Variants in CLP1 observed in about 807,000 individuals in gnomAD.
CLP1 encodes the protein polyribonucleotide 5'-hydroxyl-kinase Clp1.
CLP1 carries 18 observed loss-of-function variants against 29.9 expected under a neutral mutation model. The observed-to-expected ratio is 0.60, with a 90% CI of 0.42 to 0.89. CLP1 has a LOEUF of 0.89. Ranked by LOEUF, CLP1 falls within the 40% of genes least tolerant of loss-of-function variation. The pLI is 0.00. For synonymous variants in CLP1, 162 were observed against 206.2 expected (o/e 0.79, Z 1.84); for missense variants, 357 against 544.8 (o/e 0.66, Z 3.43).
At chr11:57,658,608 A>G (rs1255818306) in intron 1 of CLP1, among the ~76,000 whole-genome samples, 4 of 151,920 alleles carry the variant, frequency 2.6e-5, no homozygotes, top group African/African-American at 9.7e-5. Context: ...TGTTTTTATT[A>G]TTTATTTATT....
chr11:57,659,409 A>G (rs758948407), intron 1 of CLP1, 46 bp from the exon 2 acceptor site: 12 of 1,577,076 alleles, frequency 7.6e-6, no homozygotes, highest in African/African-American at 1.4e-5. Flanking sequence ...TTTTTGTAAC[A>G]GAAGACTGAC....
chr11:57,661,228 C>T lies in CLP1; in HGVS notation c.1070C>T (p.Pro357Leu). 1 of 1,614,196 alleles carries T rather than the reference C, an allele frequency of 6.2e-7. No individual in the cohort carries two copies. Among genetic ancestry groups the T allele is most frequent in the Non-Finnish European group, 8.5e-7 (1 of 1,180,030 alleles). Residue 357 changes from proline to leucine, a missense_variant, in exon 3 of 3, where the codon CCT becomes CTT. By Grantham distance (98) the Pro-to-Leu change is moderately conservative. Coordinates refer to ENST00000533682, the MANE Select transcript of CLP1 (RefSeq NM_006831.3). ...CAGCTCAAGCTAGTACCTGTCACTC[C>T]TGGGCGAGATATGGTGCACCACCTA... ...DNQLKLVPVT[P>L]GRDMVHHLLS...
Position 57,661,381 on chromosome 11 carries a change from C to G in CLP1, c.1223C>G (p.Pro408Arg), listed in dbSNP as rs762530093. 1 of 1,614,000 alleles carries G rather than the reference C, an allele frequency of 6.2e-7. No individual in the cohort carries two copies. Among genetic ancestry groups the G allele is most frequent in the East Asian group, 2.2e-5 (1 of 44,882 alleles). Residue 408 changes from proline to arginine, a missense_variant, in exon 3 of 3, where the codon CCA becomes CGA. Transcript: ENST00000533682. ...VFTVLSPAPR[P>R]LPKNFLLIMD... is the part of the protein sequence containing the mutation. ...ACTGTTCTGTCTCCAGCCCCTCGCC[C>G]ACTGCCTAAGAACTTCCTTCTCATC...
chr11:57,657,974 GGAC>G (rs1304688861), intron 1 of CLP1, 114 bp downstream of exon 1: 1 of 152,210 alleles, frequency 6.6e-6, no homozygotes, highest in Non-Finnish European at 1.5e-5. Context: ...GGGAAGGTTG[GGAC>G]AAATGCTGGA....
rs887277596 is a variant in CLP1 at position 57,661,827 on chromosome 11, A to T, written c.*391A>T. 2.4e-5 allele frequency: 5 copies of T among 209,274 alleles called. No individual in the cohort carries two copies. The highest frequency in any genetic ancestry group is 1.8e-4 in the South Asian group (1 of 5,430). The allele number at this position is 209,274 out of a possible 1,614,324, so 13.0% of individuals were successfully genotyped here. ...ACTCCTTCCAATAAAGTTCAAACTTAAAAAAAATCATTTTAATAAATATTT... is the reference window on the plus strand; with the variant it reads ...ACTCCTTCCAATAAAGTTCAAACTTTAAAAAAATCATTTTAATAAATATTT... On this transcript the variant is annotated 3_prime_UTR_variant, in exon 3 of 3. Coordinates refer to ENST00000533682, the MANE Select transcript of CLP1 (RefSeq NM_006831.3).
intron 1 of CLP1, 120 bp from the exon 2 acceptor site, chr11:57,659,335 C>T (rs1163104516): frequency 3.4e-6 from 3 of 887,658 alleles, no homozygotes; most frequent in Non-Finnish European, 5.1e-6. Flanking sequence ...GTGATCCAGC[C>T]ACCTCGGCTT....
chr11:57,660,603 G>T (rs1047144566), intron 2 of CLP1, among the ~76,000 whole-genome samples, 162 bp from the exon 3 acceptor site: 1 of 152,148 alleles, frequency 6.6e-6, no homozygotes, highest in African/African-American at 2.4e-5. Context: ...GCAGTGAGCT[G>T]AGATCGTGCC....
At position 57,660,965 on chromosome 11, in the gene CLP1, C is replaced by T. The variant is rs140965892; in HGVS notation, c.807C>T (p.Asp269=). The change falls in exon 3 of 3, where the codon GAC becomes GAT. Residue 269 remains aspartate (D), a synonymous_variant. Coordinates refer to ENST00000533682, the MANE Select transcript of CLP1 (RefSeq NM_006831.3). ...QERLYNELKR[D]LPHFVRTVLL... is the part of the protein sequence containing the mutation. Reference sequence around the variant, plus strand: ...GACTGTACAATGAACTGAAACGGGACCTCCCCCACTTTGTACGCACTGTGC... The same window carrying T: ...GACTGTACAATGAACTGAAACGGGATCTCCCCCACTTTGTACGCACTGTGC... 26 of 1,614,184 alleles carry T rather than the reference C, an allele frequency of 1.6e-5. No homozygotes were observed. In the African/African-American group the frequency reaches 3.3e-4, roughly 21 times the overall value.
Position 57,661,517 on chromosome 11 carries a change from T to G in CLP1, c.*81T>G, listed in dbSNP as rs1945877229. Reference sequence around the variant, plus strand: ...AGGCAGATGGGCTGAGATAAAAGACTGTTGGGGCCACCTGACCAGTAAACT... The same window carrying G: ...AGGCAGATGGGCTGAGATAAAAGACGGTTGGGGCCACCTGACCAGTAAACT... On this transcript the variant is annotated 3_prime_UTR_variant, in exon 3 of 3. Coordinates refer to ENST00000533682, the MANE Select transcript of CLP1 (RefSeq NM_006831.3). The G allele has an allele frequency of 4.2e-6, 5 of 1,189,662 alleles. No individual in the cohort carries two copies. Among genetic ancestry groups the G allele is most frequent in the South Asian group, 1.4e-5 (1 of 69,086 alleles). 73.7% of individuals were successfully genotyped at this position (1,189,662 alleles called of 1,614,324 possible).
Position 57,661,048 on chromosome 11 carries a change from G to C in CLP1, c.890G>C (p.Arg297Thr), listed in dbSNP as rs1804745. 6.2e-7 allele frequency: 1 copy of C among 1,614,128 alleles called. No individual in the cohort carries two copies. The highest frequency in any genetic ancestry group is 1.3e-5 in the African/African-American group (1 of 74,940). Residue 297 changes from arginine to threonine, a missense_variant, in exon 3 of 3, where the codon AGG becomes ACG. Arg to Thr is a moderately conservative substitution (Grantham distance 71). Transcript: ENST00000533682. ...ERSKDFRREC[R>T]DERIREYFYG... ...TCCAAGGACTTCCGGCGGGAATGTAGGGATGAGCGTATCCGTGAGTATTTT... is the reference window on the plus strand; with the variant it reads ...TCCAAGGACTTCCGGCGGGAATGTACGGATGAGCGTATCCGTGAGTATTTT...
At chr11:57,658,307 T>C (rs1295652595) in intron 1 of CLP1, among the ~76,000 whole-genome samples, 1 of 152,224 alleles carries the variant, frequency 6.6e-6, no homozygotes, top group Non-Finnish European at 1.5e-5. Flanking sequence ...ATCTGTTACC[T>C]TCTCAAGTTT....
rs1300202166 is a variant in CLP1, at chr11:57,661,548, C to G, written c.*112C>G. ...GGCCACCTGACCAGTAAACTGTGGA[C>G]TAGTAGAAAGTTCATATTCTACCTC... On this transcript the variant is annotated 3_prime_UTR_variant, in exon 3 of 3. Coordinates refer to ENST00000533682, the MANE Select transcript of CLP1 (RefSeq NM_006831.3). 2.5e-5 allele frequency: 21 copies of G among 847,602 alleles called. No individual in the cohort carries two copies. Among genetic ancestry groups the G allele is most frequent in the African/African-American group, 6.8e-5 (4 of 58,934 alleles). 52.5% of individuals were successfully genotyped at this position (847,602 alleles called of 1,614,324 possible). A position where few individuals can be genotyped will look rare whatever the true frequency, so the allele number is the denominator to read the frequency against.
chr11:57,658,481 G>A (rs1945842429), intron 1 of CLP1, among the ~76,000 whole-genome samples: 1 of 152,148 alleles, frequency 6.6e-6, no homozygotes. Flanking sequence ...AAACAAAAAT[G>A]CCTAAGTCTT....
Position 57,659,597 on chromosome 11 carries a change from A to G in CLP1, c.121A>G (p.Met41Val). Residue 41 changes from methionine (M) to valine (V), a missense_variant, in exon 2 of 3, where the codon ATG (methionine) becomes GTG (valine). Coordinates refer to ENST00000533682, the MANE Select transcript of CLP1 (RefSeq NM_006831.3). ...QSVQLELLTG[M>V]AEIFGTELTR... ...AGTTCAGTTGGAGTTGTTGACTGGCATGGCAGAGATCTTTGGCACAGAGCT... is the reference window on the plus strand; with the variant it reads ...AGTTCAGTTGGAGTTGTTGACTGGCGTGGCAGAGATCTTTGGCACAGAGCT... The G allele has an allele frequency of 1.2e-6, 2 of 1,614,096 alleles. No individual in the cohort carries two copies. The highest frequency in any genetic ancestry group is 1.7e-6 in the Non-Finnish European group (2 of 1,180,024).
In CLP1 at chr11:57,659,602, A is replaced by C. The variant is rs113685226; in HGVS notation, c.126A>C (p.Ala42=). Residue 42 remains alanine, a synonymous_variant, in exon 2 of 3, where the codon GCA becomes GCC. Transcript: ENST00000533682. ...SVQLELLTGM[A]EIFGTELTRN... The stretch of plus-strand genomic sequence containing the variant: ...AGTTGGAGTTGTTGACTGGCATGGC[A>C]GAGATCTTTGGCACAGAGCTGACCC... The C allele has an allele frequency of 2.5e-6, 4 of 1,614,130 alleles. No individual in the cohort carries two copies. Among genetic ancestry groups the C allele is most frequent in the Non-Finnish European group, 3.4e-6 (4 of 1,180,046 alleles).
chr11:57,658,530 T>C (rs1279844014), intron 1 of CLP1, among the ~76,000 whole-genome samples: 1 of 152,168 alleles, frequency 6.6e-6, no homozygotes, highest in African/African-American at 2.4e-5. Context: ...ACACAATATA[T>C]AGTGAGACCG....
chr11:57,660,116 G>A, intron 2 of CLP1, 34 bp downstream of exon 2: 1 of 1,523,174 alleles, frequency 6.6e-7, no homozygotes, highest in Non-Finnish European at 8.8e-7. Context: ...TGGAGGGAAG[G>A]GCTGCTATCA....
In CLP1 at chr11:57,659,546, C is replaced by T. The variant is rs1945854109; in HGVS notation, c.70C>T (p.Arg24Cys). ...TGAACTAGAGCGAGAAACAGAACTT[C>T]GCTTTGAGGTGGAGGCATCTCAGTC... The part of the protein sequence containing the change: ...KFELERETEL[R>C]FEVEASQSVQ... Residue 24 changes from arginine to cysteine, a missense_variant, in exon 2 of 3, where the codon CGC (arginine) becomes TGC (cysteine). Coordinates refer to ENST00000533682, the MANE Select transcript of CLP1 (RefSeq NM_006831.3). 5.6e-6 allele frequency: 9 copies of T among 1,614,098 alleles called. No homozygotes were observed. Among genetic ancestry groups the T allele is most frequent in the Non-Finnish European group, 7.6e-6 (9 of 1,180,022 alleles).
Position 57,660,972 on chromosome 11 carries a change from C to T in CLP1, c.814C>T (p.His272Tyr). Residue 272 changes from histidine (H) to tyrosine (Y), a missense_variant, in exon 3 of 3, where the codon CAC becomes TAC. Coordinates refer to ENST00000533682, the MANE Select transcript of CLP1 (RefSeq NM_006831.3). ...CAATGAACTGAAACGGGACCTCCCC[C>T]ACTTTGTACGCACTGTGCTGCTCCC... Reference protein sequence around the residue: ...LYNELKRDLPHFVRTVLLPKS... With the variant: ...LYNELKRDLPYFVRTVLLPKS... 1.2e-6 allele frequency: 2 copies of T among 1,614,210 alleles called. No individual in the cohort carries two copies. The highest frequency in any genetic ancestry group is 1.7e-6 in the Non-Finnish European group (2 of 1,180,036).
Sources: gnomAD v4.1 joint callset for allele counts (sites outside exome capture counted in the v4.1 genomes callset) on GRCh38, gnomAD v4.1.1 for gene constraint, MANE v1.5 for transcripts, NCBI Gene and HGNC (gene_info 2026-07-23, HGNC 2026-07-21) for gene names.